The following ALKBH3 variants were observed in gnomAD, a reference collection of about 807,000 sequenced individuals.
ALKBH3 encodes alkB homolog 3, alpha-ketoglutarate dependent dioxygenase.
ALKBH3 carries 51 observed loss-of-function variants against 43.9 expected under a neutral mutation model. That is an observed-to-expected ratio of 1.16 (90% CI 0.93 to 1.47). ALKBH3 has a LOEUF of 1.47. Among genes scored for constraint, ALKBH3 ranks in the 40% most tolerant of loss-of-function variants. The pLI is 0.00. For missense variants in ALKBH3, 361 were observed against 351.9 expected (o/e 1.03, Z -0.21); for synonymous variants, 102 against 115.2 (o/e 0.89, Z 0.73).
chr11:43,903,312 C>T (rs1232780155), intron 8 of ALKBH3, among the ~76,000 whole-genome samples: 1 of 152,194 alleles, frequency 6.6e-6, no homozygotes, highest in Non-Finnish European at 1.5e-5. Context: ...TACTTCTGTA[C>T]ACAGCTTTCA....
chr11:43,896,614 A>G (rs1428068474), intron 7 of ALKBH3, among the ~76,000 whole-genome samples: 1 of 152,154 alleles, frequency 6.6e-6, no homozygotes, highest in Non-Finnish European at 1.5e-5. Context: ...TCTTTTTGCA[A>G]CACCCTCACA....
At chr11:43,908,446 G>A (rs974539687) in intron 8 of ALKBH3, among the ~76,000 whole-genome samples, 8 of 152,258 alleles carry the variant, frequency 5.3e-5, no homozygotes, top group African/African-American at 1.9e-4. Flanking sequence ...TCAGCTGGAG[G>A]TGAGGTATGG....
At position 43,886,607 on chromosome 11, in the gene ALKBH3, A is replaced by G; in HGVS notation, c.220A>G (p.Arg74Gly). Reference sequence around the variant, plus strand: ...AGTCTGTTTCCTTTGTTTCTTTAGCAGAGAGGGTGTGTATGAAATCAGCCT... The same window carrying G: ...AGTCTGTTTCCTTTGTTTCTTTAGCGGAGAGGGTGTGTATGAAATCAGCCT... ...RRAPEPRVID[R>G]EGVYEISLSP... The change falls in exon 5 of 10, where the codon AGA becomes GGA. Residue 74 changes from arginine to glycine, a missense_variant and splice_region_variant. Coordinates refer to ENST00000302708, the MANE Select transcript of ALKBH3 (RefSeq NM_139178.4). 6.2e-7 allele frequency: 1 copy of G among 1,614,162 alleles called. No individual in the cohort carries two copies. The highest frequency in any genetic ancestry group is 8.5e-7 in the Non-Finnish European group (1 of 1,180,012).
Position 43,919,058 on chromosome 11 carries a change from A to G in ALKBH3, c.690A>G (p.Thr230=), listed in dbSNP as rs114994242. The G allele has an allele frequency of 9.3e-6, 15 of 1,610,558 alleles. No individual in the cohort carries two copies. The highest frequency in any genetic ancestry group is 1.7e-4 in the Middle Eastern group (1 of 6,054). The change falls in exon 9 of 10, where the codon ACA becomes ACG. Residue 230 remains threonine, a synonymous_variant. Transcript: ENST00000302708. The part of the protein sequence containing the change: ...KPPPEENGDY[T]YVERVKIPLD... ...TCTAGGAAGAGAATGGAGACTACAC[A>G]TATGTGGAAAGAGTGAAGATACCCT... is the stretch of plus-strand genomic sequence containing the variant.
intron 7 of ALKBH3, chr11:43,898,479 C>A: frequency 1.1e-6 from 1 of 946,280 alleles, no homozygotes; most frequent in Non-Finnish European, 1.7e-6. Flanking sequence ...GGCAGATGGA[C>A]ACCAACGGCT....
Position 43,886,614 on chromosome 11 carries a change from G to C in ALKBH3, c.227G>C (p.Gly76Ala). Residue 76 changes from glycine to alanine, a missense_variant, in exon 5 of 10, where the codon GGT (glycine) becomes GCT (alanine). Coordinates refer to ENST00000302708, the MANE Select transcript of ALKBH3 (RefSeq NM_139178.4). ...TTCCTTTGTTTCTTTAGCAGAGAGG[G>C]TGTGTATGAAATCAGCCTGTCACCC... is the stretch of plus-strand genomic sequence containing the variant. The part of the protein sequence containing the change: ...APEPRVIDRE[G>A]VYEISLSPTG... 6.2e-7 allele frequency: 1 copy of C among 1,614,082 alleles called. No homozygotes were observed. The highest frequency in any genetic ancestry group is 8.5e-7 in the Non-Finnish European group (1 of 1,179,990).
At chr11:43,895,996 T>G (rs1267782381) in intron 7 of ALKBH3, among the ~76,000 whole-genome samples, 1 of 152,248 alleles carries the variant, frequency 6.6e-6, no homozygotes, top group African/African-American at 2.4e-5. Flanking sequence ...TAAAGTGTGA[T>G]TGTTTGAGCT....
chr11:43,913,952 C>A (rs997573685), intron 8 of ALKBH3, among the ~76,000 whole-genome samples: 3 of 152,184 alleles, frequency 2.0e-5, no homozygotes, highest in Non-Finnish European at 2.9e-5. Context: ...GAAGAGGGGG[C>A]AGCACTGGGG....
intron 7 of ALKBH3, chr11:43,898,452 CTG>C: frequency 1.2e-6 from 1 of 840,924 alleles, no homozygotes; most frequent in Non-Finnish European, 2.0e-6. Flanking sequence ...GGTGGCCCCT[CTG>C]TATGCTCAGG....
At chr11:43,914,733 G>A (rs181355837) in intron 8 of ALKBH3, among the ~76,000 whole-genome samples, 3 of 152,156 alleles carry the variant, frequency 2.0e-5, no homozygotes, top group African/African-American at 7.2e-5. Context: ...CAGTTAAAAG[G>A]CAAATAGCAA....
chr11:43,896,623 C>T (rs190003929), intron 7 of ALKBH3, among the ~76,000 whole-genome samples: 2 of 152,216 alleles, frequency 1.3e-5, no homozygotes, highest in East Asian at 3.8e-4. Flanking sequence ...AACACCCTCA[C>T]AGACACACCC....
intron 8 of ALKBH3, among the ~76,000 whole-genome samples, chr11:43,906,542 C>G (rs1565128208): frequency 6.6e-6 from 1 of 152,124 alleles, no homozygotes; most frequent in African/African-American, 2.4e-5. Flanking sequence ...AGCACCTACT[C>G]TAAGAGATTA....
At chr11:43,897,477 C>T in intron 7 of ALKBH3, 1 of 745,330 alleles carries the variant, frequency 1.3e-6, no homozygotes. Context: ...ATACCAGTCA[C>T]CAGTGAGGGT....
chr11:43,912,668 T>C (rs1951949047), intron 8 of ALKBH3, among the ~76,000 whole-genome samples: 1 of 152,234 alleles, frequency 6.6e-6, no homozygotes, highest in Non-Finnish European at 1.5e-5. Context: ...TTTGGAAGCA[T>C]ATTTTGCTTT....
chr11:43,915,530 CCT>C (rs1951976721), intron 8 of ALKBH3, among the ~76,000 whole-genome samples: 1 of 151,878 alleles, frequency 6.6e-6, no homozygotes, highest in Non-Finnish European at 1.5e-5. Flanking sequence ...ATTTATTTTC[CCT>C]CTTTTTAAAA....
At chr11:43,894,182 G>T (rs958602881) in intron 7 of ALKBH3, among the ~76,000 whole-genome samples, 1 of 152,134 alleles carries the variant, frequency 6.6e-6, no homozygotes, top group African/African-American at 2.4e-5. Flanking sequence ...TCTCACATGA[G>T]CCCAGTGTAT....
chr11:43,910,074 G>A (rs368606552), intron 8 of ALKBH3: 20 of 152,246 alleles, frequency 1.3e-4, no homozygotes, highest in African/African-American at 4.8e-4. Context: ...TATTACCTGC[G>A]TTTTCTTCCT....
In ALKBH3 at chr11:43,886,590, T is replaced by G; in HGVS notation, c.219-16T>G. The G allele has an allele frequency of 6.2e-7, 1 of 1,614,016 alleles. No homozygotes were observed. The highest frequency in any genetic ancestry group is 1.1e-5 in the South Asian group (1 of 91,076). ...TTTGCCTCAAACTAACAAGTCTGTTTCCTTTGTTTCTTTAGCAGAGAGGGT... is the reference window on the plus strand; with the variant it reads ...TTTGCCTCAAACTAACAAGTCTGTTGCCTTTGTTTCTTTAGCAGAGAGGGT... On this transcript the variant is annotated splice_polypyrimidine_tract_variant and intron_variant, in intron 4 of 9. Transcript: ENST00000302708.
rs1053140502 is a variant in ALKBH3, at chr11:43,880,997, T to G, written c.-253T>G. 4.6e-5 allele frequency: 7 copies of G among 152,090 alleles called. No homozygotes were observed. Among genetic ancestry groups the G allele is most frequent in the African/African-American group, 1.7e-4 (7 of 41,396 alleles). 9.4% of individuals were successfully genotyped at this position (152,090 alleles called of 1,614,324 possible). On this transcript the variant is annotated 5_prime_UTR_variant, in exon 1 of 10. Coordinates refer to ENST00000302708, the MANE Select transcript of ALKBH3 (RefSeq NM_139178.4). The stretch of plus-strand genomic sequence containing the variant: ...GGGTGCGAGTACCACCCCTGAAGTC[T>G]CTTCCTGGGCGACCTCCGGGGCCTC...
Sources: allele counts gnomAD v4.1 joint callset (sites outside exome capture counted in the v4.1 genomes callset), GRCh38; gene constraint gnomAD v4.1.1; transcripts MANE v1.5; gene names NCBI Gene and HGNC (gene_info 2026-07-23, HGNC 2026-07-21).